Variants in KDM1A observed in about 807,000 individuals in gnomAD.
The protein encoded by KDM1A is lysine demethylase 1A, also known as lysine-specific histone demethylase 1A.
KDM1A carries 49 observed loss-of-function variants against 109.4 expected under a neutral mutation model. The ratio of observed to expected loss-of-function variants is 0.45; its 90% CI spans 0.36 to 0.57. The LOEUF (loss-of-function observed/expected upper bound fraction) is 0.57. Ranked by LOEUF, KDM1A falls within the 20% of genes least tolerant of loss-of-function variation. KDM1A has a pLI of 0.00. For synonymous variants in KDM1A, 380 were observed against 415.4 expected (o/e 0.91, Z 1.04); for missense variants, 668 against 1,116.6 (o/e 0.60, Z 5.73).
intron 1 of KDM1A, among the ~76,000 whole-genome samples, chr1:23,025,100 G>T (rs1035007636): frequency 6.6e-5 from 10 of 152,156 alleles, no homozygotes; most frequent in Admixed American, 5.2e-4. Context: ...TGTCCAATAT[G>T]GTAGCCTGTA....
intron 9 of KDM1A, among the ~76,000 whole-genome samples, chr1:23,059,939 A>G: frequency 6.6e-6 from 1 of 152,192 alleles, no homozygotes; most frequent in East Asian, 1.9e-4. Flanking sequence ...TACTAAAAGT[A>G]GTAGGATCCC....
At position 23,059,102 on chromosome 1, in the gene KDM1A, C is replaced by G. The variant is rs377748880; in HGVS notation, c.1102C>G (p.Gln368Glu). Residue 368 changes from glutamine (Q) to glutamate (E), a missense_variant, in exon 9 of 21, where the codon CAA becomes GAA. By Grantham distance (29) the Gln-to-Glu change is conservative (BLOSUM62 2). Transcript: ENST00000400181. ...GAATCCTATGGCTGTGGTCAGCAAACAAGTAAATATGGAACTGGCCAAGAT... is the reference window on the plus strand; with the variant it reads ...GAATCCTATGGCTGTGGTCAGCAAAGAAGTAAATATGGAACTGGCCAAGAT... ...GGNPMAVVSK[Q>E]VNMELAKIKQ... 5.0e-6 allele frequency: 8 copies of G among 1,611,620 alleles called. No individual in the cohort carries two copies. The highest frequency in any genetic ancestry group is 6.8e-6 in the Non-Finnish European group (8 of 1,179,168).
chr1:23,039,124 T>A (rs1642234835), intron 2 of KDM1A, among the ~76,000 whole-genome samples: 1 of 152,244 alleles, frequency 6.6e-6, no homozygotes, highest in Non-Finnish European at 1.5e-5. Context: ...TTAGCCCCAT[T>A]CTTACTTCTG....
intron 3 of KDM1A, among the ~76,000 whole-genome samples, chr1:23,049,364 G>A (rs1016650420): frequency 6.6e-6 from 1 of 151,764 alleles, no homozygotes; most frequent in African/African-American, 2.4e-5. Context: ...CCTAATAAAG[G>A]TGTACTTATC....
intron 2 of KDM1A, among the ~76,000 whole-genome samples, chr1:23,035,398 C>G (rs1289629954): frequency 1.3e-5 from 2 of 152,136 alleles, no homozygotes; most frequent in African/African-American, 4.8e-5. Flanking sequence ...GATGAGGTTT[C>G]TCCGCGTTGG....
rs1204414175 is a variant in KDM1A at position 23,083,397 on chromosome 1, G to A, written c.*33G>A. The A allele has an allele frequency of 6.3e-7, 1 of 1,575,204 alleles. No homozygotes were observed. Among genetic ancestry groups the A allele is most frequent in the Admixed American group, 1.7e-5 (1 of 58,054 alleles). On this transcript the variant is annotated 3_prime_UTR_variant, in exon 21 of 21. Coordinates refer to ENST00000400181, the MANE Select transcript of KDM1A (RefSeq NM_001009999.3). The stretch of plus-strand genomic sequence containing the variant: ...GCATTCTAAGGGAAGAGGCCCATGT[G>A]CCTGTTTCTGCCATGTAAGGAAGGC...
chr1:23,063,199 G>GGGC (rs1553130165), intron 9 of KDM1A, among the ~76,000 whole-genome samples: 2 of 76,714 alleles, frequency 2.6e-5, no homozygotes, highest in African/African-American at 1.1e-4. Context: ...GTAGCATTGG[G>GGGC]GGGGGGGTGT....
At chr1:23,063,604 G>A (rs1643080531) in intron 9 of KDM1A, among the ~76,000 whole-genome samples, 1 of 152,146 alleles carries the variant, frequency 6.6e-6, no homozygotes, top group Non-Finnish European at 1.5e-5. Context: ...ATTTATAAAT[G>A]TAAAAATCTC....
intron 10 of KDM1A, 68 bp from the exon 11 acceptor site, chr1:23,068,471 T>C (rs960938685): frequency 2.3e-6 from 3 of 1,304,408 alleles, no homozygotes; most frequent in Non-Finnish European, 3.1e-6. Flanking sequence ...CTATAGAGCA[T>C]TTGTGTTTTC....
chr1:23,081,503 G>A lies in KDM1A; in HGVS notation c.2228G>A (p.Ser743Asn), dbSNP rs1057136800. The change falls in exon 19 of 21, where the codon AGT becomes AAT. Residue 743 changes from serine to asparagine, a missense_variant. Physicochemically the swap from Ser to Asn is conservative, Grantham distance 46. Transcript: ENST00000400181. ...GCTGCTGGTATCATGGAAAACATAA[G>A]TGACGATGTGATTGTTGGCCGATGC... ...GEAAGIMENI[S>N]DDVIVGRCLA... is the part of the protein sequence containing the mutation. The A allele has an allele frequency of 6.2e-7, 1 of 1,614,060 alleles. No homozygotes were observed. The highest frequency in any genetic ancestry group is 8.5e-7 in the Non-Finnish European group (1 of 1,180,024).
chr1:23,059,955 G>A (rs745867011), intron 9 of KDM1A, among the ~76,000 whole-genome samples: 14 of 152,120 alleles, frequency 9.2e-5, no homozygotes, highest in Admixed American at 5.9e-4. Context: ...ATCCCAACTC[G>A]TGAATTTTGT....
chr1:23,082,559 A>G (rs1017797542), intron 20 of KDM1A, 193 bp downstream of exon 20: 14 of 534,804 alleles, frequency 2.6e-5, no homozygotes, highest in African/African-American at 1.3e-4. Context: ...TAGGCAGTCT[A>G]CATTCAGAAT....
At chr1:23,024,396 G>A (rs1641733870) in intron 1 of KDM1A, among the ~76,000 whole-genome samples, 1 of 152,206 alleles carries the variant, frequency 6.6e-6, no homozygotes, top group Admixed American at 6.5e-5. Context: ...GATAGGCCAT[G>A]CTTCAGTAGT....
At position 23,083,008 on chromosome 1, in the gene KDM1A, A is replaced by G. The variant is rs190489110; in HGVS notation, c.2446-171A>G. ...TTTATTGTCTCATTTCTACTTGTCAATTCTGGGAAAGTGCCTACTGATAAG... is the reference window on the plus strand; with the variant it reads ...TTTATTGTCTCATTTCTACTTGTCAGTTCTGGGAAAGTGCCTACTGATAAG... On this transcript the variant is annotated intron_variant, in intron 20 of 20. Transcript: ENST00000400181. 312 of 594,708 alleles carry G rather than the reference A, an allele frequency of 5.2e-4. No homozygotes were observed. In the African/African-American group the frequency reaches 5.4e-3, roughly 10 times the overall value. 36.8% of individuals were successfully genotyped at this position (594,708 alleles called of 1,614,324 possible).
intron 15 of KDM1A, among the ~76,000 whole-genome samples, chr1:23,074,423 CAA>C (rs1643405028): frequency 6.6e-6 from 1 of 152,166 alleles, no homozygotes; most frequent in African/African-American, 2.4e-5. Context: ...AAATCTGTCT[CAA>C]AGAGTAAAAG....
At chr1:23,026,514 C>A (rs554252730) in intron 1 of KDM1A, among the ~76,000 whole-genome samples, 1 of 151,680 alleles carries the variant, frequency 6.6e-6, no homozygotes, top group African/African-American at 2.4e-5. Context: ...CGTAGCCCCC[C>A]CAAGTAGCTG....
intron 15 of KDM1A, among the ~76,000 whole-genome samples, chr1:23,074,156 A>C (rs1464115362): frequency 5.9e-5 from 9 of 152,218 alleles, no homozygotes; most frequent in Non-Finnish European, 1.2e-4. Context: ...AGCCATTCTA[A>C]TAGGTATAGT....
rs369047787 is a variant in KDM1A at position 23,081,580 on chromosome 1, A to G, written c.2298+7A>G. 139 of 1,613,938 alleles carry G rather than the reference A, an allele frequency of 8.6e-5. No homozygotes were observed. The highest frequency in any genetic ancestry group is 1.6e-4 in the Middle Eastern group (1 of 6,082). On this transcript the variant is annotated splice_region_variant and intron_variant, in intron 19 of 20. Coordinates refer to ENST00000400181, the MANE Select transcript of KDM1A (RefSeq NM_001009999.3). ...TAGCAGTGCAGTACCTCAGGTAAGT[A>G]GGTAGGTGGGGCAAGGAGGGATCTA...
rs1000390157 is a variant in KDM1A, at chr1:23,056,185, A to G, written c.990+147A>G. ...GAGTATTTTGGATAGTGTTATTTAT[A>G]TTTTTAAAAAGCTTTTTTTTTTAAT... On this transcript the variant is annotated intron_variant, in intron 7 of 20. Transcript: ENST00000400181. The G allele has an allele frequency of 3.4e-5, 17 of 506,294 alleles. 1 individual carries two copies. The highest frequency in any genetic ancestry group is 4.2e-4 in the Middle Eastern group (1 of 2,388). 31.4% of individuals were successfully genotyped at this position (506,294 alleles called of 1,614,324 possible).
Sources: gnomAD v4.1 joint callset for allele counts (sites outside exome capture counted in the v4.1 genomes callset) on GRCh38, gnomAD v4.1.1 for gene constraint, MANE v1.5 for transcripts, NCBI Gene and HGNC (gene_info 2026-07-23, HGNC 2026-07-21) for gene names.